The following GPC6 variants were observed in gnomAD, a reference collection of about 807,000 sequenced individuals.
The protein encoded by GPC6 is glypican-6.
In GPC6, 14 loss-of-function variants were observed where a neutral mutation model predicts 55.2. The ratio of observed to expected loss-of-function variants is 0.25; its 90% CI spans 0.17 to 0.40. The LOEUF is 0.40. Among genes scored for constraint, GPC6 ranks in the 10% least tolerant of loss-of-function variants. The probability of loss-of-function intolerance (pLI) is 1.00; values close to 1 mark genes in which losing one functional copy is unlikely to be tolerated. For missense variants in GPC6, 641 were observed against 708.5 expected (o/e 0.90, Z 1.08); for synonymous variants, 278 against 259.6 (o/e 1.07, Z -0.68).
At chr13:94,218,488 C>T (rs1046863159) in intron 4 of GPC6, among the ~76,000 whole-genome samples, 1 of 152,170 alleles carries the variant, frequency 6.6e-6, no homozygotes, top group Non-Finnish European at 1.5e-5. Flanking sequence ...AATCCCAGTG[C>T]ACCCCGTTAT....
chr13:94,361,695 A>G (rs1469166384), intron 6 of GPC6, among the ~76,000 whole-genome samples: 1 of 152,260 alleles, frequency 6.6e-6, no homozygotes, highest in African/African-American at 2.4e-5. Flanking sequence ...TAAATCTTGT[A>G]AATGTAGAAA....
At chr13:93,266,890 G>A (rs556905500) in intron 1 of GPC6, among the ~76,000 whole-genome samples, 144 of 152,184 alleles carry the variant, frequency 9.5e-4, no homozygotes, top group African/African-American at 3.2e-3. Flanking sequence ...GTATTCTGTC[G>A]TGTATTTCTC....
rs182994855 is a variant in GPC6 at position 93,518,518 on chromosome 13, G to C, written c.161-26745G>C. Among the ~76,000 whole-genome samples, 5 of 151,956 alleles carry C rather than the reference G, an allele frequency of 3.3e-5. No individual in the cohort carries two copies. In the East Asian group the frequency reaches 9.7e-4, roughly 29 times the overall value. ...CCTTTGACATCCTAATTCATATTCT[G>C]ATATTTAAAATATGTATAAATTGAA... is the stretch of plus-strand genomic sequence containing the variant. On this transcript the variant is annotated intron_variant, in intron 1 of 8. Coordinates refer to ENST00000377047, the MANE Select transcript of GPC6 (RefSeq NM_005708.5).
rs1360876971 is a variant in GPC6 at position 94,405,720 on chromosome 13, T to G, written c.*2503T>G. 6.6e-6 allele frequency: 1 copy of G among 152,216 alleles called. No individual in the cohort carries two copies. Among genetic ancestry groups the G allele is most frequent in the African/African-American group, 2.4e-5 (1 of 41,474 alleles). 9.4% of individuals were successfully genotyped at this position (152,216 alleles called of 1,614,324 possible). ...CCTTCATTATCAATATGATTCATAT[T>G]GATGAGATATAGTGATGCATAATGA... On this transcript the variant is annotated 3_prime_UTR_variant, in exon 9 of 9. Transcript: ENST00000377047.
intron 1 of GPC6, among the ~76,000 whole-genome samples, chr13:93,269,574 C>T (rs1055548269): frequency 6.6e-6 from 1 of 152,072 alleles, no homozygotes; most frequent in Admixed American, 6.5e-5. Context: ...CCTTCTTTTG[C>T]TTTTTCTGTT....
chr13:94,328,582 G>C (rs1218709087), intron 6 of GPC6, among the ~76,000 whole-genome samples: 1 of 152,240 alleles, frequency 6.6e-6, no homozygotes, highest in Non-Finnish European at 1.5e-5. Context: ...GTCAGGAGCA[G>C]ACGTGAAGAG....
At chr13:93,592,420 T>C (rs905587968) in intron 2 of GPC6, among the ~76,000 whole-genome samples, 1 of 147,698 alleles carries the variant, frequency 6.8e-6, no homozygotes, top group Admixed American at 6.8e-5. Flanking sequence ...TATATAAATA[T>C]ATATATATTT....
intron 3 of GPC6, among the ~76,000 whole-genome samples, chr13:93,891,252 G>A (rs947406028): frequency 6.6e-6 from 1 of 152,096 alleles, no homozygotes; most frequent in Non-Finnish European, 1.5e-5. Flanking sequence ...TTATGCTGAT[G>A]TTATTATGTT....
At chr13:94,398,703 GC>G in intron 8 of GPC6, 62 bp downstream of exon 8, 1 of 1,370,420 alleles carries the variant, frequency 7.3e-7, no homozygotes. Flanking sequence ...AGAAGATGAT[GC>G]CCTGACTTTC....
rs529396197 is a variant in GPC6 at position 94,295,370 on chromosome 13, A to T, written c.1008+8891A>T. On this transcript the variant is annotated intron_variant, in intron 5 of 8. Transcript: ENST00000377047. ...TATTAAAAATATCTATGGTACCTAAATTCTAAAGAGCACTGACTCATTGGT... is the reference window on the plus strand; with the variant it reads ...TATTAAAAATATCTATGGTACCTAATTTCTAAAGAGCACTGACTCATTGGT... Among the ~76,000 whole-genome samples the T allele has an allele frequency of 9.1e-4, 138 of 152,298 alleles. 1 individual carries two copies. The highest frequency in any genetic ancestry group is 3.2e-3 in the African/African-American group (131 of 41,574).
In GPC6 at chr13:93,769,012, G is replaced by A. The variant is rs535109368; in HGVS notation, c.320-61142G>A. 3.3e-5 allele frequency among the ~76,000 whole-genome samples: 5 copies of A among 152,152 alleles called. 1 individual carries two copies. The South Asian group carries it at 1.0e-3, about 32-fold the overall frequency. On this transcript the variant is annotated intron_variant, in intron 2 of 8. Transcript: ENST00000377047. ...TAGCTAAAATTGGTATTGATTTAAT[G>A]TTCTGGGTCAATTTTAAGTGATAAA...
intron 3 of GPC6, among the ~76,000 whole-genome samples, chr13:94,001,528 G>A (rs996043441): frequency 2.0e-5 from 3 of 152,028 alleles, no homozygotes; most frequent in Non-Finnish European, 2.9e-5. Flanking sequence ...TTGATATTGT[G>A]CATAGAATTT....
At chr13:93,301,577 G>A (rs1301403765) in intron 1 of GPC6, among the ~76,000 whole-genome samples, 2 of 152,280 alleles carry the variant, frequency 1.3e-5, no homozygotes, top group Admixed American at 6.5e-5. Context: ...AGTACAGAAA[G>A]GAGACTGTTG....
Position 93,597,027 on chromosome 13 carries a change from A to G in GPC6, c.319+51606A>G, listed in dbSNP as rs996692259. Among the ~76,000 whole-genome samples the G allele has an allele frequency of 1.4e-4, 20 of 147,010 alleles. No individual in the cohort carries two copies. In the South Asian group the frequency reaches 2.3e-3, roughly 17 times the overall value. On this transcript the variant is annotated intron_variant, in intron 2 of 8. Coordinates refer to ENST00000377047, the MANE Select transcript of GPC6 (RefSeq NM_005708.5). ...TCTGGCAAAAAAAAAAAAAAAAAAA[A>G]AAAGAAAAGAAAAGACTAGTGTTTC...
chr13:94,332,427 C>T (rs1254990511), intron 6 of GPC6, among the ~76,000 whole-genome samples: 8 of 152,332 alleles, frequency 5.3e-5, no homozygotes, highest in East Asian at 3.9e-4. Context: ...TTGGGTCTGA[C>T]GGATTGCTCA....
At chr13:94,069,915 C>G (rs1884664795) in intron 4 of GPC6, among the ~76,000 whole-genome samples, 1 of 152,186 alleles carries the variant, frequency 6.6e-6, no homozygotes, top group Non-Finnish European at 1.5e-5. Context: ...GCCCTCCAAA[C>G]TGTTCCAACC....
At chr13:94,323,590 T>C (rs1876956865) in intron 6 of GPC6, among the ~76,000 whole-genome samples, 1 of 151,796 alleles carries the variant, frequency 6.6e-6, no homozygotes. Context: ...AGGGAAAGGG[T>C]AGGAGGGTGG....
intron 4 of GPC6, among the ~76,000 whole-genome samples, chr13:94,052,999 A>AC (rs1318356858): frequency 1.3e-4 from 20 of 151,644 alleles, no homozygotes; most frequent in African/African-American, 4.9e-4. Context: ...CTGTCACATC[A>AC]CCTCCCGTTT....
At chr13:94,288,818 A>T (rs1357507015) in intron 5 of GPC6, among the ~76,000 whole-genome samples, 1 of 95,964 alleles carries the variant, frequency 1.0e-5, no homozygotes, top group African/African-American at 4.2e-5. Flanking sequence ...ATATATAATA[A>T]ATATATATAT....
Sources: allele counts gnomAD v4.1 joint callset (sites outside exome capture counted in the v4.1 genomes callset), GRCh38; gene constraint gnomAD v4.1.1; transcripts MANE v1.5; gene names NCBI Gene and HGNC (gene_info 2026-07-23, HGNC 2026-07-21).